Variants in DSCAM observed in about 807,000 individuals in gnomAD.
The protein encoded by DSCAM is DS cell adhesion molecule.
In DSCAM, 47 loss-of-function variants were observed where a neutral mutation model predicts 217.7. That is an observed-to-expected ratio of 0.22 (90% CI 0.17 to 0.28). DSCAM has a LOEUF of 0.28. DSCAM is among the 10% of genes least tolerant of loss of function. The pLI, the probability that DSCAM is intolerant of heterozygous loss-of-function variation, is 1.00. For missense variants in DSCAM, 2,080 were observed against 2,618.3 expected (o/e 0.79, Z 4.49); for synonymous variants, 1,056 against 1,015.3 (o/e 1.04, Z -0.76).
intron 3 of DSCAM, among the ~76,000 whole-genome samples, chr21:40,575,041 C>T (rs756715443): frequency 3.3e-5 from 5 of 152,142 alleles, no homozygotes; most frequent in Non-Finnish European, 5.9e-5. Flanking sequence ...CCTGAAGTTA[C>T]TGAAGAATCA....
chr21:40,476,133 G>A (rs2075933565), intron 3 of DSCAM, among the ~76,000 whole-genome samples: 2 of 152,014 alleles, frequency 1.3e-5, no homozygotes, highest in South Asian at 4.2e-4. Context: ...CTCCCATGCT[G>A]TACTAACCAC....
chr21:40,683,280 AT>A (rs2090434814), intron 3 of DSCAM, among the ~76,000 whole-genome samples: 1 of 152,180 alleles, frequency 6.6e-6, no homozygotes, highest in South Asian at 2.1e-4. Context: ...CAGCCTTGGG[AT>A]TTAACATTTG....
intron 16 of DSCAM, among the ~76,000 whole-genome samples, chr21:40,156,311 GAGA>G (rs1457378313): frequency 1.4e-5 from 2 of 147,224 alleles, no homozygotes; most frequent in Non-Finnish European, 3.0e-5. Context: ...GAGAGAGAGA[GAGA>G]GAGAGAGAGA....
intron 3 of DSCAM, among the ~76,000 whole-genome samples, chr21:40,448,741 G>A (rs1443664086): frequency 6.6e-6 from 1 of 151,838 alleles, no homozygotes; most frequent in Non-Finnish European, 1.5e-5. Flanking sequence ...TTTGTTTTTA[G>A]GAGTATATTC....
At chr21:40,070,219 AGAG>A (rs1341225225) in intron 27 of DSCAM, among the ~76,000 whole-genome samples, 9 of 140,858 alleles carry the variant, frequency 6.4e-5, no homozygotes, top group Admixed American at 5.7e-4. Context: ...AAAAAAGGAG[AGAG>A]AAGGGGAAAG....
intron 11 of DSCAM, among the ~76,000 whole-genome samples, chr21:40,262,713 A>G (rs1382776390): frequency 6.6e-6 from 1 of 152,182 alleles, no homozygotes; most frequent in Admixed American, 6.5e-5. Flanking sequence ...TTGGTACCCT[A>G]CAAGTATGTG....
At chr21:40,788,277 A>C (rs1337958153) in intron 1 of DSCAM, among the ~76,000 whole-genome samples, 4 of 152,208 alleles carry the variant, frequency 2.6e-5, no homozygotes, top group South Asian at 2.1e-4. Flanking sequence ...ATTTCTTCTT[A>C]ATCTAAAAGG....
intron 3 of DSCAM, among the ~76,000 whole-genome samples, chr21:40,537,598 G>A (rs1334382916): frequency 6.6e-6 from 1 of 152,038 alleles, no homozygotes; most frequent in African/African-American, 2.4e-5. Flanking sequence ...AATTATAGTA[G>A]AGTAGGACGG....
intron 9 of DSCAM, among the ~76,000 whole-genome samples, chr21:40,296,939 G>A (rs751645141): frequency 2.0e-5 from 3 of 150,966 alleles, no homozygotes; most frequent in African/African-American, 2.4e-5. Flanking sequence ...CAAAGTATTC[G>A]ATGTTGATTT....
chr21:40,624,833 T>C (rs1230973001), intron 3 of DSCAM, among the ~76,000 whole-genome samples: 2 of 152,156 alleles, frequency 1.3e-5, no homozygotes, highest in Non-Finnish European at 2.9e-5. Flanking sequence ...TTGGGAAATA[T>C]CTCCAATACA....
At chr21:40,389,857 G>A (rs1373377304) in intron 3 of DSCAM, among the ~76,000 whole-genome samples, 2 of 152,252 alleles carry the variant, frequency 1.3e-5, no homozygotes, top group Non-Finnish European at 2.9e-5. Context: ...GGATGCAAAA[G>A]TGAGAGAACA....
At chr21:40,519,990 G>T (rs977231783) in intron 3 of DSCAM, among the ~76,000 whole-genome samples, 14 of 152,062 alleles carry the variant, frequency 9.2e-5, no homozygotes, top group African/African-American at 3.1e-4. Flanking sequence ...TAACATTCTA[G>T]ACTCTAAAAT....
rs150038589 is a variant in DSCAM at position 40,748,007 on chromosome 21, A to C, written c.44-39236T>G. On this transcript the variant is annotated intron_variant, in intron 1 of 32. Coordinates refer to ENST00000400454, the MANE Select transcript of DSCAM (RefSeq NM_001389.5). ...TTCAATAGATGCTGAAAAAAATTTG[A>C]TAAAATTCAATTCCTTCATAAAAAT... Among the ~76,000 whole-genome samples the C allele has an allele frequency of 5.9e-3, 899 of 152,112 alleles. 3 individuals carry two copies. Among genetic ancestry groups the C allele is most frequent in the Non-Finnish European group, 0.01 (694 of 67,866 alleles).
At chr21:40,112,382 C>A (rs937888663) in intron 20 of DSCAM, among the ~76,000 whole-genome samples, 1 of 151,998 alleles carries the variant, frequency 6.6e-6, no homozygotes, top group African/African-American at 2.4e-5. Context: ...AACAAAGACA[C>A]AACATACCAG....
chr21:40,074,992 A>G (rs1319282211), intron 27 of DSCAM, 45 bp downstream of exon 27: 1 of 1,598,206 alleles, frequency 6.3e-7, no homozygotes, highest in Non-Finnish European at 8.5e-7. Flanking sequence ...TTGGCTGCAG[A>G]GCAGCAGGGG....
chr21:40,324,612 A>AAACG lies in DSCAM; in HGVS notation c.1784-12257_1784-12254dup, dbSNP rs1296249052. Among the ~76,000 whole-genome samples the AAACG allele has an allele frequency of 8.5e-5, 13 of 152,366 alleles. No individual in the cohort carries two copies. In the East Asian group the frequency reaches 2.5e-3, roughly 29 times the overall value. On this transcript the variant is annotated intron_variant, in intron 8 of 32. Coordinates refer to ENST00000400454, the MANE Select transcript of DSCAM (RefSeq NM_001389.5). ...TTGAAATAGTTTCTTTAAAAGATTA[A>AAACG]AACGACCAAGAACTTAAAAACTTAT...
chr21:40,592,145 A>G lies in DSCAM; in HGVS notation c.508+100665T>C, dbSNP rs73902694. ...CCCCATTAAAGTTTTAGAGCTAAGT[A>G]CAATTTTGTTTTCTTTTTCAATCTG... On this transcript the variant is annotated intron_variant, in intron 3 of 32. Transcript: ENST00000400454. 5.3e-3 allele frequency among the ~76,000 whole-genome samples: 804 copies of G among 152,316 alleles called. 4 individuals are homozygous for G. Among genetic ancestry groups the G allele is most frequent in the African/African-American group, 0.019 (773 of 41,564 alleles).
chr21:40,588,129 A>C (rs2076959607), intron 3 of DSCAM, among the ~76,000 whole-genome samples: 1 of 152,202 alleles, frequency 6.6e-6, no homozygotes, highest in African/African-American at 2.4e-5. Context: ...CACATGACTC[A>C]GGATTACAGC....
intron 3 of DSCAM, among the ~76,000 whole-genome samples, chr21:40,668,712 T>C (rs1419510862): frequency 2.0e-5 from 3 of 152,184 alleles, no homozygotes; most frequent in Admixed American, 6.5e-5. Flanking sequence ...TAAAACTTTA[T>C]CTGTTGAATT....
Sources: gnomAD v4.1 joint callset for allele counts (sites outside exome capture counted in the v4.1 genomes callset) on GRCh38, gnomAD v4.1.1 for gene constraint, MANE v1.5 for transcripts, NCBI Gene and HGNC (gene_info 2026-07-23, HGNC 2026-07-21) for gene names.